CADM2: variants seen among roughly 807,000 people sequenced by gnomAD.
CADM2 encodes the protein immunoglobulin superfamily member 4D.
A neutral mutation model predicts 49.8 loss-of-function variants in CADM2; 12 were observed. That is an observed-to-expected ratio of 0.24 (90% CI 0.15 to 0.39). CADM2 has a LOEUF of 0.39. Ranked by LOEUF, CADM2 falls within the 10% of genes least tolerant of loss-of-function variation. The pLI, the probability that CADM2 is intolerant of heterozygous loss-of-function variation, is 1.00. For synonymous variants in CADM2, 214 were observed against 175.4 expected (o/e 1.22, Z -1.74); for missense variants, 378 against 492.3 (o/e 0.77, Z 2.20).
chr3:85,396,910 T>C (rs900238833), intron 1 of CADM2, among the ~76,000 whole-genome samples: 1 of 152,032 alleles, frequency 6.6e-6, no homozygotes, highest in Non-Finnish European at 1.5e-5. Context: ...GATAAATTGG[T>C]CTTCATCAAA....
At chr3:85,240,620 A>G (rs972397943) in intron 1 of CADM2, among the ~76,000 whole-genome samples, 45 of 151,432 alleles carry the variant, frequency 3.0e-4, no homozygotes, top group African/African-American at 1.1e-3. Context: ...GCAAGGTATC[A>G]CGTTATTTCC....
intron 1 of CADM2, among the ~76,000 whole-genome samples, chr3:85,504,130 G>A (rs1219624538): frequency 1.3e-5 from 2 of 152,112 alleles, no homozygotes; most frequent in African/African-American, 4.8e-5. Context: ...TCCGGAGTTT[G>A]TTCCTTCTGA....
At chr3:85,869,862 C>T (rs926028737) in intron 3 of CADM2, among the ~76,000 whole-genome samples, 3 of 152,036 alleles carry the variant, frequency 2.0e-5, no homozygotes, top group Non-Finnish European at 4.4e-5. Flanking sequence ...GGAGTTTCAC[C>T]ATGTTAGCCA....
chr3:85,232,518 T>A (rs2042317359), intron 1 of CADM2, among the ~76,000 whole-genome samples: 1 of 152,074 alleles, frequency 6.6e-6, no homozygotes, highest in Non-Finnish European at 1.5e-5. Context: ...AGCACCTATA[T>A]CACAGTGGAC....
At chr3:85,752,483 C>CACAA (rs1225555918) in intron 2 of CADM2, among the ~76,000 whole-genome samples, 1 of 151,682 alleles carries the variant, frequency 6.6e-6, no homozygotes, top group Admixed American at 6.6e-5. Flanking sequence ...CACACACACA[C>CACAA]ACACACACAC....
intron 7 of CADM2, among the ~76,000 whole-genome samples, chr3:85,958,271 G>A (rs920269876): frequency 3.3e-5 from 5 of 151,954 alleles, no homozygotes; most frequent in Non-Finnish European, 5.9e-5. Flanking sequence ...CAGTCAGAAT[G>A]GCGATTATTA....
chr3:85,049,477 A>C (rs186503699), intron 1 of CADM2, among the ~76,000 whole-genome samples: 1 of 151,900 alleles, frequency 6.6e-6, no homozygotes, highest in East Asian at 1.9e-4. Flanking sequence ...CAGCCTCCCG[A>C]GTAACTGGGA....
chr3:85,797,327 T>C (rs1375808871), intron 2 of CADM2, among the ~76,000 whole-genome samples: 1 of 152,100 alleles, frequency 6.6e-6, no homozygotes, highest in Non-Finnish European at 1.5e-5. Flanking sequence ...TCCATAGGTA[T>C]ACATGTGCCA....
At chr3:86,033,686 T>C (rs1734813892) in intron 8 of CADM2, among the ~76,000 whole-genome samples, 1 of 140,564 alleles carries the variant, frequency 7.1e-6, no homozygotes. Context: ...TATATATATA[T>C]GAGATAGTTA....
At chr3:85,979,885 A>G (rs1204704300) in intron 8 of CADM2, among the ~76,000 whole-genome samples, 2 of 151,660 alleles carry the variant, frequency 1.3e-5, no homozygotes, top group Non-Finnish European at 3.0e-5. Flanking sequence ...AGATGGCTCC[A>G]TGAGTAATTT....
intron 1 of CADM2, among the ~76,000 whole-genome samples, chr3:85,705,746 G>A (rs1370447347): frequency 6.6e-6 from 1 of 152,138 alleles, no homozygotes; most frequent in Non-Finnish European, 1.5e-5. Context: ...AAGTCCAGTG[G>A]TGACACACAA....
intron 1 of CADM2, among the ~76,000 whole-genome samples, chr3:85,632,729 G>A (rs1272336274): frequency 6.6e-6 from 1 of 151,910 alleles, no homozygotes; most frequent in Non-Finnish European, 1.5e-5. Context: ...ATTTTTCAGT[G>A]CCTATGACAA....
intron 1 of CADM2, among the ~76,000 whole-genome samples, chr3:85,546,532 A>ATT (rs2061673544): frequency 6.6e-6 from 1 of 152,064 alleles, no homozygotes; most frequent in Admixed American, 6.6e-5. Context: ...TATTGCTAAC[A>ATT]TTAGAATGGG....
chr3:85,620,852 C>G (rs1178346274), intron 1 of CADM2, among the ~76,000 whole-genome samples: 1 of 152,106 alleles, frequency 6.6e-6, no homozygotes, highest in Non-Finnish European at 1.5e-5. Flanking sequence ...GGAATAGTCT[C>G]TAACTTTAAC....
chr3:85,883,594 T>C (rs1213567148), intron 4 of CADM2, 151 bp downstream of exon 4: 5 of 639,450 alleles, frequency 7.8e-6, no homozygotes, highest in Non-Finnish European at 1.2e-5. Context: ...ACAGGCGTTT[T>C]AAAATCATTT....
At chr3:85,196,368 A>T (rs746257291) in intron 1 of CADM2, among the ~76,000 whole-genome samples, 2 of 151,976 alleles carry the variant, frequency 1.3e-5, no homozygotes, top group Non-Finnish European at 2.9e-5. Context: ...AGAGGCAATG[A>T]CTACTGTTTT....
chr3:85,635,750 A>G (rs1177250971), intron 1 of CADM2, among the ~76,000 whole-genome samples: 1 of 152,170 alleles, frequency 6.6e-6, no homozygotes, highest in Non-Finnish European at 1.5e-5. Context: ...TATGATAGTT[A>G]TTTGGATTTA....
At chr3:85,702,371 C>T (rs747081357) in intron 1 of CADM2, among the ~76,000 whole-genome samples, 1 of 152,006 alleles carries the variant, frequency 6.6e-6, no homozygotes, top group African/African-American at 2.4e-5. Context: ...TCTTTTTCAG[C>T]TCCTCTCTGT....
intron 7 of CADM2, among the ~76,000 whole-genome samples, chr3:85,960,491 A>G (rs1217293461): frequency 6.6e-6 from 1 of 151,966 alleles, no homozygotes; most frequent in Non-Finnish European, 1.5e-5. Flanking sequence ...CTATAGAGGA[A>G]GACCAGGGTT....
Sources: allele counts gnomAD v4.1 joint callset (sites outside exome capture counted in the v4.1 genomes callset), GRCh38; gene constraint gnomAD v4.1.1; transcripts MANE v1.5; gene names NCBI Gene and HGNC (gene_info 2026-07-23, HGNC 2026-07-21).